Variants in SLC38A1 observed in about 807,000 individuals in gnomAD.
The protein encoded by SLC38A1 is sodium-coupled neutral amino acid symporter 1.
In SLC38A1, 18 loss-of-function variants were observed where a neutral mutation model predicts 60.3. That is an observed-to-expected ratio of 0.30 (90% confidence interval 0.21 to 0.44). The LOEUF (loss-of-function observed/expected upper bound fraction) is 0.44. Among genes scored for constraint, SLC38A1 ranks in the 20% least tolerant of loss-of-function variants. SLC38A1 has a pLI of 1.00. For missense variants in SLC38A1, 448 were observed against 587.2 expected, an observed-to-expected ratio of 0.76 and a Z score of 2.45; for synonymous variants, 196 against 212.1, an observed-to-expected ratio of 0.92 and a Z score of 0.66.
chr12:46,198,083 T>C, intron 14 of SLC38A1, 23 bp from the exon 15 acceptor site: 4 of 1,611,790 alleles, frequency 2.5e-6, no homozygotes, highest in Middle Eastern at 1.7e-4. Flanking sequence ...AAAACAAAGA[T>C]TCTGTAAGTG....
intron 1 of SLC38A1, among the ~76,000 whole-genome samples, chr12:46,254,371 AT>A (rs1941954631): frequency 6.6e-6 from 1 of 152,226 alleles, no homozygotes; most frequent in East Asian, 1.9e-4. Flanking sequence ...CCAGTTTCCC[AT>A]TTTTTACTAA....
intron 5 of SLC38A1, among the ~76,000 whole-genome samples, chr12:46,219,860 TGC>T (rs1940582417): frequency 6.6e-6 from 1 of 152,366 alleles, no homozygotes; most frequent in East Asian, 1.9e-4. Flanking sequence ...GAGATCACAC[TGC>T]TGTCCTTGGA....
At chr12:46,262,947 A>T (rs915499189) in intron 1 of SLC38A1, among the ~76,000 whole-genome samples, 23 of 152,298 alleles carry the variant, frequency 1.5e-4, no homozygotes, top group African/African-American at 5.3e-4. Context: ...GACCTCTCCC[A>T]GTTCTCTGAA....
chr12:46,210,414 C>T (rs1480994874), intron 5 of SLC38A1, among the ~76,000 whole-genome samples: 1 of 152,192 alleles, frequency 6.6e-6, no homozygotes, highest in African/African-American at 2.4e-5. Flanking sequence ...ACAGACCTAA[C>T]ACTTTGGGTA....
chr12:46,250,109 T>C (rs906297062), intron 1 of SLC38A1, among the ~76,000 whole-genome samples: 3 of 152,042 alleles, frequency 2.0e-5, no homozygotes, highest in African/African-American at 7.3e-5. Context: ...GCAAATAAAA[T>C]CCAGGAGCAC....
chr12:46,215,597 C>T (rs149522553), intron 5 of SLC38A1, among the ~76,000 whole-genome samples: 34 of 152,090 alleles, frequency 2.2e-4, no homozygotes, highest in Admixed American at 5.2e-4. Context: ...TTAGTAGAGA[C>T]GGGTTTCACC....
rs758530067 is a variant in SLC38A1 at position 46,188,965 on chromosome 12, G to A, written c.*5C>T. On this transcript the variant is annotated 3_prime_UTR_variant, in exon 17 of 17. Transcript: ENST00000398637. Reference sequence around the variant, plus strand: ...AACAGGGATGTTTCTTTTTCTCGGCGGGTTTCAGTGGCCTTCGTCACTACT... The same window carrying A: ...AACAGGGATGTTTCTTTTTCTCGGCAGGTTTCAGTGGCCTTCGTCACTACT... 2.5e-5 allele frequency: 40 copies of A among 1,611,310 alleles called. No homozygotes were observed. In the African/African-American group the frequency reaches 3.2e-4, roughly 13 times the overall value.
At chr12:46,191,932 G>C (rs1172217035) in intron 16 of SLC38A1, among the ~76,000 whole-genome samples, 2 of 152,040 alleles carry the variant, frequency 1.3e-5, no homozygotes, top group East Asian at 1.9e-4. Context: ...ATTCTTTCTT[G>C]TGCCTGATTG....
In SLC38A1 at chr12:46,186,036, T is replaced by C. The variant is rs1938926486; in HGVS notation, c.*2934A>G. ...AGCAAACCTATTACATTATTCGATG[T>C]CAGCTAACCTATTGGTTTGATCATC... On this transcript the variant is annotated 3_prime_UTR_variant, in exon 17 of 17. Transcript: ENST00000398637. 1 of 152,216 alleles carries C rather than the reference T, an allele frequency of 6.6e-6. No individual in the cohort carries two copies. Among genetic ancestry groups the C allele is most frequent in the Non-Finnish European group, 1.5e-5 (1 of 68,042 alleles). 9.4% of individuals were successfully genotyped at this position (152,216 alleles called of 1,614,324 possible).
At chr12:46,206,273 A>G (rs1939896486) in intron 8 of SLC38A1, 111 bp from the exon 9 acceptor site, 2 of 553,384 alleles carry the variant, frequency 3.6e-6, no homozygotes, top group Admixed American at 3.5e-5. Flanking sequence ...TTTTTACTAT[A>G]TGCATTAATT....
At position 46,218,859 on chromosome 12, in the gene SLC38A1, C is replaced by T. The variant is rs553144214; in HGVS notation, c.315-9732G>A. On this transcript the variant is annotated intron_variant, in intron 5 of 16. Transcript: ENST00000398637. ...AGGGGGGTGAAGTAAGATTTTCTTG[C>T]TGTCTTCTGTTCCTGGGTGCAATGG... Among the ~76,000 whole-genome samples the T allele has an allele frequency of 2.0e-5, 3 of 152,104 alleles. No individual in the cohort carries two copies. In the South Asian group the frequency reaches 6.2e-4, roughly 32 times the overall value.
At chr12:46,256,165 CAAAAAA>C (rs61078872) in intron 1 of SLC38A1, among the ~76,000 whole-genome samples, 2 of 69,288 alleles carry the variant, frequency 2.9e-5, no homozygotes, top group Admixed American at 1.6e-4. Flanking sequence ...GGTTCTATCT[CAAAAAA>C]AAAAAAAAAA....
At chr12:46,199,889 T>C (rs1027813300) in intron 13 of SLC38A1, among the ~76,000 whole-genome samples, 2 of 152,080 alleles carry the variant, frequency 1.3e-5, no homozygotes, top group Non-Finnish European at 2.9e-5. Context: ...GGTCTCAGTT[T>C]CCAAAAAAGA....
At chr12:46,223,431 A>G (rs1360502069) in intron 5 of SLC38A1, among the ~76,000 whole-genome samples, 1 of 147,554 alleles carries the variant, frequency 6.8e-6, no homozygotes, top group Non-Finnish European at 1.5e-5. Context: ...CACTCTCTCC[A>G]TCTCTCTTTC....
At chr12:46,191,692 G>A (rs1363282764) in intron 16 of SLC38A1, among the ~76,000 whole-genome samples, 6 of 152,162 alleles carry the variant, frequency 3.9e-5, no homozygotes, top group African/African-American at 1.4e-4. Flanking sequence ...TCTCTTCAGA[G>A]TAAATGTGAA....
intron 1 of SLC38A1, among the ~76,000 whole-genome samples, chr12:46,248,559 TA>T: frequency 6.6e-6 from 1 of 152,242 alleles, no homozygotes; most frequent in Non-Finnish European, 1.5e-5. Flanking sequence ...CAAAGAGACT[TA>T]GACTCCCACA....
intron 3 of SLC38A1, among the ~76,000 whole-genome samples, chr12:46,232,210 T>C (rs1029500996): frequency 5.9e-5 from 9 of 152,286 alleles, no homozygotes; most frequent in South Asian, 4.1e-4. Flanking sequence ...AAGAAAAACC[T>C]TGGTCTCTTG....
At chr12:46,242,480 G>A (rs1941478126) in intron 2 of SLC38A1, among the ~76,000 whole-genome samples, 1 of 151,970 alleles carries the variant, frequency 6.6e-6, no homozygotes, top group African/African-American at 2.4e-5. Context: ...AATTCTAAAA[G>A]TAATACAATG....
chr12:46,226,629 T>G (rs997917772), intron 5 of SLC38A1, among the ~76,000 whole-genome samples: 1 of 110,950 alleles, frequency 9.0e-6, no homozygotes, highest in Non-Finnish European at 1.6e-5. Flanking sequence ...TTTTTTTTTT[T>G]TTTTTTTTTT....
Sources: allele counts gnomAD v4.1 joint callset (sites outside exome capture counted in the v4.1 genomes callset), GRCh38; gene constraint gnomAD v4.1.1; transcripts MANE v1.5; gene names NCBI Gene and HGNC (gene_info 2026-07-23, HGNC 2026-07-21).